FAM219A: variants seen among roughly 807,000 people sequenced by gnomAD.
FAM219A encodes the protein family with sequence similarity 219 member A.
A neutral mutation model predicts 23.4 loss-of-function variants in FAM219A; 7 were observed. The ratio of observed to expected loss-of-function variants is 0.30; its 90% CI spans 0.17 to 0.56. FAM219A has a LOEUF of 0.56. FAM219A is among the 20% of genes least tolerant of loss of function. The pLI is 0.92. For missense variants in FAM219A, 166 were observed against 246.9 expected, an observed-to-expected ratio of 0.67 and a Z score of 2.20; for synonymous variants, 93 against 99.0, an observed-to-expected ratio of 0.94 and a Z score of 0.36.
Position 34,401,205 on chromosome 9 carries a change from G to A in FAM219A, c.400-83C>T, listed in dbSNP as rs563639142. On this transcript the variant is annotated intron_variant, in intron 5 of 5. Coordinates refer to ENST00000651358, the MANE Select transcript of FAM219A (RefSeq NM_001184940.2). ...TCTGCGGCCACTCCAGGCCGTCTGC[G>A]CCCCAGTCCAGCCAGTGCCCTGGAT... 1.1e-5 allele frequency: 17 copies of A among 1,511,196 alleles called. No homozygotes were observed. The East Asian group carries it at 2.1e-4, about 18-fold the overall frequency. 93.6% of individuals were successfully genotyped at this position (1,511,196 alleles called of 1,614,324 possible).
At chr9:34,416,236 AAAGAAAGAAAGAAAGAAAGAAAGG>A (rs1822010887) in intron 1 of FAM219A, among the ~76,000 whole-genome samples, 1 of 133,694 alleles carries the variant, frequency 7.5e-6, no homozygotes, top group Admixed American at 7.6e-5. Context: ...AGAAAGAAAG[AAAGAAAGAAAGAAAGAAAGAAAGG>A]GGGAGGGAGG....
At chr9:34,437,451 G>A (rs979435506) in intron 1 of FAM219A, among the ~76,000 whole-genome samples, 2 of 152,186 alleles carry the variant, frequency 1.3e-5, no homozygotes, top group South Asian at 2.1e-4. Flanking sequence ...GAACTGAAGC[G>A]TGGCTTCTTG....
At position 34,416,314 on chromosome 9, in the gene FAM219A, G is replaced by GGAAGGAAC. The variant is rs1554676939; in HGVS notation, c.61-10351_61-10350insGTTCCTTC. Among the ~76,000 whole-genome samples, 93 of 109,870 alleles carry GGAAGGAAC rather than the reference G, an allele frequency of 8.5e-4. 2 individuals carry two copies. Among genetic ancestry groups the GGAAGGAAC allele is most frequent in the African/African-American group, 1.3e-3 (49 of 36,582 alleles). The allele number at this position is 109,870 out of a possible 152,430, so 72.1% of individuals were successfully genotyped here. On this transcript the variant is annotated intron_variant, in intron 1 of 5. Coordinates refer to ENST00000651358, the MANE Select transcript of FAM219A (RefSeq NM_001184940.2). ...AGGAAGGAAGGAAGGAAGGAACGAA[G>GGAAGGAAC]GAAGGAAGGAAGGAAGGAAGCGGAG...
intron 1 of FAM219A, among the ~76,000 whole-genome samples, chr9:34,450,471 G>A (rs1196886496): frequency 2.6e-5 from 4 of 151,606 alleles, no homozygotes; most frequent in Non-Finnish European, 5.9e-5. Flanking sequence ...CCAGGATAGA[G>A]TGCAGTGGCA....
At chr9:34,418,058 G>A (rs925869581) in intron 1 of FAM219A, among the ~76,000 whole-genome samples, 7 of 152,158 alleles carry the variant, frequency 4.6e-5, no homozygotes, top group African/African-American at 7.2e-5. Flanking sequence ...TGGGGTGGGA[G>A]AATTAACCAA....
chr9:34,417,118 G>C lies in FAM219A; in HGVS notation c.61-11154C>G, dbSNP rs1030308691. The stretch of plus-strand genomic sequence containing the variant: ...GAGTCTCGCTCTGGTGCCCAGGCTG[G>C]TTGCCCAGGCTGGAGTGCAGTGGTG... On this transcript the variant is annotated intron_variant, in intron 1 of 5. Transcript: ENST00000651358. This position sits in a 1 kb window ranked among gnomAD's most constrained non-coding sequence, Gnocchi z 4.1. Among the ~76,000 whole-genome samples the C allele has an allele frequency of 5.9e-5, 9 of 151,800 alleles. No homozygotes were observed. Among genetic ancestry groups the C allele is most frequent in the Middle Eastern group, 3.4e-3 (1 of 292 alleles).
chr9:34,442,051 C>T (rs899722261), intron 1 of FAM219A, among the ~76,000 whole-genome samples: 4 of 152,076 alleles, frequency 2.6e-5, no homozygotes, highest in African/African-American at 9.7e-5. Context: ...CTAACTACAC[C>T]ACAAAAAATA....
intron 1 of FAM219A, chr9:34,406,281 C>T (rs1361099686): frequency 5.1e-6 from 5 of 984,960 alleles, no homozygotes; most frequent in Non-Finnish European, 6.0e-6. Flanking sequence ...CTTCTCCTAA[C>T]TCCCATACTA....
chr9:34,419,658 T>C (rs548307178), intron 1 of FAM219A, among the ~76,000 whole-genome samples: 1 of 152,286 alleles, frequency 6.6e-6, no homozygotes, highest in East Asian at 1.9e-4. Flanking sequence ...TGGGCCAGAT[T>C]GACGTGTGGA....
chr9:34,449,005 A>AAAAG (rs1823468877), intron 1 of FAM219A, among the ~76,000 whole-genome samples: 1 of 146,282 alleles, frequency 6.8e-6, no homozygotes, highest in Non-Finnish European at 1.5e-5. Flanking sequence ...AAAAAAAAAA[A>AAAAG]AAACCTCAGC....
chr9:34,442,813 G>T (rs1274503841), intron 1 of FAM219A, among the ~76,000 whole-genome samples: 1 of 152,088 alleles, frequency 6.6e-6, no homozygotes. Context: ...TGGTATTTAT[G>T]TTAAAGATAG....
At position 34,458,086 on chromosome 9, in the gene FAM219A, G is replaced by C; in HGVS notation, c.60+118C>G. 1.2e-5 allele frequency: 11 copies of C among 914,716 alleles called. No individual in the cohort carries two copies. Among genetic ancestry groups the C allele is most frequent in the Non-Finnish European group, 1.7e-5 (11 of 661,194 alleles). 56.7% of individuals were successfully genotyped at this position (914,716 alleles called of 1,614,324 possible). On this transcript the variant is annotated intron_variant, in intron 1 of 5. Coordinates refer to ENST00000651358, the MANE Select transcript of FAM219A (RefSeq NM_001184940.2). This position sits in a 1 kb window ranked among gnomAD's most constrained non-coding sequence, Gnocchi z 6.6. ...CCGTCCCCCGGCAATACGTTTTCAG[G>C]GATCTCTTTGCCCCATCCGATGGCG...
rs533624902 is a variant in FAM219A at position 34,418,700 on chromosome 9, A to T, written c.61-12736T>A. 5.3e-5 allele frequency among the ~76,000 whole-genome samples: 8 copies of T among 152,280 alleles called. No individual in the cohort carries two copies. In the South Asian group the frequency reaches 1.7e-3, roughly 32 times the overall value. ...CATCACCCTCGCCTCCCCCATTTCA[A>T]TCTCTTTAGGGAAAGATCATCTAAT... On this transcript the variant is annotated intron_variant, in intron 1 of 5. Coordinates refer to ENST00000651358, the MANE Select transcript of FAM219A (RefSeq NM_001184940.2).
rs757627612 is a variant in FAM219A at position 34,430,636 on chromosome 9, C to CAAAAAAAAAA, written c.61-24682_61-24673dup. Among the ~76,000 whole-genome samples, 32 of 56,270 alleles carry CAAAAAAAAAA rather than the reference C, an allele frequency of 5.7e-4. 1 individual carries two copies. In the East Asian group the frequency reaches 8.1e-3, roughly 14 times the overall value. 36.9% of individuals were successfully genotyped at this position (56,270 alleles called of 152,430 possible). On this transcript the variant is annotated intron_variant, in intron 1 of 5. Transcript: ENST00000651358. ...TGGGTGACAGAGCAAGACTCCGTCT[C>CAAAAAAAAAA]AAAAAAAAAAAAAAAAAAAAAGACA...
At chr9:34,433,276 C>G (rs954111502) in intron 1 of FAM219A, among the ~76,000 whole-genome samples, 5 of 152,196 alleles carry the variant, frequency 3.3e-5, no homozygotes, top group African/African-American at 1.2e-4. Flanking sequence ...CTGTTTTAAC[C>G]TCCCTGTGGG....
chr9:34,398,658 G>C lies in FAM219A; in HGVS notation c.*2306C>G, dbSNP rs977841168. 6 of 422,242 alleles carry C rather than the reference G, an allele frequency of 1.4e-5. No homozygotes were observed. The highest frequency in any genetic ancestry group is 2.6e-5 in the Non-Finnish European group (6 of 229,762). The allele number at this position is 422,242 out of a possible 1,614,324, so 26.2% of individuals were successfully genotyped here. On this transcript the variant is annotated 3_prime_UTR_variant, in exon 6 of 6. Coordinates refer to ENST00000651358, the MANE Select transcript of FAM219A (RefSeq NM_001184940.2). Reference sequence around the variant, plus strand: ...TGGGCCCGAGTCACACTGCAAGTCAGCAGCAAAGGCAGCAGTCTAAATGAG... The same window carrying C: ...TGGGCCCGAGTCACACTGCAAGTCACCAGCAAAGGCAGCAGTCTAAATGAG...
intron 1 of FAM219A, among the ~76,000 whole-genome samples, chr9:34,446,095 C>G (rs927704061): frequency 3.3e-5 from 5 of 151,256 alleles, no homozygotes; most frequent in Non-Finnish European, 1.5e-5. Flanking sequence ...ATTGCTTGAA[C>G]CTGGGAGGCA....
At chr9:34,440,845 G>A (rs1269547145) in intron 1 of FAM219A, among the ~76,000 whole-genome samples, 2 of 148,804 alleles carry the variant, frequency 1.3e-5, no homozygotes, top group African/African-American at 2.5e-5. Context: ...AGTGAGACTC[G>A]GTCTCAAAAA....
intron 1 of FAM219A, among the ~76,000 whole-genome samples, chr9:34,447,619 T>A (rs1344428045): frequency 2.6e-5 from 4 of 152,132 alleles, no homozygotes; most frequent in African/African-American, 4.8e-5. Context: ...GGCTTATGGG[T>A]CTCTTCTTGT....
Sources: allele counts gnomAD v4.1 joint callset (sites outside exome capture counted in the v4.1 genomes callset), GRCh38; gene constraint gnomAD v4.1.1; non-coding constraint Gnocchi (gnomAD v3.1); transcripts MANE v1.5; gene names NCBI Gene and HGNC (gene_info 2026-07-23, HGNC 2026-07-21).